Variants in USP34 observed in about 807,000 individuals in gnomAD.
The protein encoded by USP34 is ubiquitin specific peptidase 34.
USP34 carries 70 observed loss-of-function variants against 460.3 expected under a neutral mutation model. The ratio of observed to expected loss-of-function variants is 0.15; its 90% CI spans 0.13 to 0.19. USP34 has a LOEUF of 0.19. Among genes scored for constraint, USP34 ranks in the 10% least tolerant of loss-of-function variants. The probability of loss-of-function intolerance (pLI) is 1.00; values close to 1 mark genes in which losing one functional copy is unlikely to be tolerated. For synonymous variants in USP34, 1,647 were observed against 1,405.3 expected (o/e 1.17, Z -3.85); for missense variants, 3,985 against 4,236.2 (o/e 0.94, Z 1.65).
In USP34 at chr2:61,311,681, T is replaced by C; in HGVS notation, c.3676A>G (p.Ile1226Val). 3.1e-6 allele frequency: 5 copies of C among 1,611,042 alleles called. No individual in the cohort carries two copies. Among genetic ancestry groups the C allele is most frequent in the Non-Finnish European group, 4.2e-6 (5 of 1,179,008 alleles). The change falls in exon 27 of 80, where the codon ATT (isoleucine) becomes GTT (valine). Residue 1226 changes from isoleucine to valine, a missense_variant. Ile to Val is a conservative substitution (Grantham distance 29, BLOSUM62 3). Coordinates refer to ENST00000398571, the MANE Select transcript of USP34 (RefSeq NM_014709.4). Reference protein sequence around the residue: ...QPAGLPDKMTIEMYPSDQVAD... With the variant: ...QPAGLPDKMTVEMYPSDQVAD... Reference sequence around the variant, plus strand: ...ACCTGGTCACTAGGATACATTTCAATAGTCATCTGAAATATGAGATGCAAC... The same window carrying C: ...ACCTGGTCACTAGGATACATTTCAACAGTCATCTGAAATATGAGATGCAAC...
intron 10 of USP34, among the ~76,000 whole-genome samples, chr2:61,369,063 G>T (rs1692525980): frequency 6.6e-6 from 1 of 152,050 alleles, no homozygotes; most frequent in Non-Finnish European, 1.5e-5. Context: ...TTAAACACAA[G>T]ATTTGCAAAC....
intron 21 of USP34, among the ~76,000 whole-genome samples, chr2:61,320,054 C>A (rs1690868288): frequency 6.6e-6 from 1 of 152,158 alleles, no homozygotes; most frequent in South Asian, 2.1e-4. Context: ...AGGAGCACTT[C>A]CTACCACCAG....
intron 1 of USP34, among the ~76,000 whole-genome samples, chr2:61,443,846 A>G (rs1366811047): frequency 6.6e-6 from 1 of 152,222 alleles, no homozygotes; most frequent in Non-Finnish European, 1.5e-5. Context: ...CACCAAGTGT[A>G]ACAAATGTAC....
At chr2:61,252,865 A>G (rs994941356) in intron 48 of USP34, among the ~76,000 whole-genome samples, 1 of 152,210 alleles carries the variant, frequency 6.6e-6, no homozygotes, top group Non-Finnish European at 1.5e-5. Context: ...CAGGTGACAG[A>G]GCACAGCAAA....
chr2:61,237,988 C>T (rs889058759), intron 53 of USP34, among the ~76,000 whole-genome samples: 1 of 151,948 alleles, frequency 6.6e-6, no homozygotes, highest in Admixed American at 6.6e-5. Flanking sequence ...TCTCCACCTC[C>T]AGGTTCAAGC....
At position 61,236,368 on chromosome 2, in the gene USP34, G is replaced by C. The variant is rs1688068661; in HGVS notation, c.6799C>G (p.Gln2267Glu). ...LLEWIWHDNMQFLQDKNIFEH... is the reference protein window; with the variant it reads ...LLEWIWHDNMEFLQDKNIFEH... Reference sequence around the variant, plus strand: ...AAAATGTTTTTGTCTTGAAGAAACTGCATGTTATCATGCCAAATCCACTGA... The same window carrying C: ...AAAATGTTTTTGTCTTGAAGAAACTCCATGTTATCATGCCAAATCCACTGA... The change falls in exon 54 of 80, where the codon CAG becomes GAG. Residue 2267 changes from glutamine to glutamate, a missense_variant. Transcript: ENST00000398571. 4 of 1,602,030 alleles carry C rather than the reference G, an allele frequency of 2.5e-6. No homozygotes were observed. Among genetic ancestry groups the C allele is most frequent in the Non-Finnish European group, 3.4e-6 (4 of 1,175,148 alleles).
At position 61,395,232 on chromosome 2, in the gene USP34, T is replaced by G; in HGVS notation, c.554A>C (p.Asp185Ala). The G allele has an allele frequency of 1.4e-6, 2 of 1,459,730 alleles. No individual in the cohort carries two copies. Among genetic ancestry groups the G allele is most frequent in the East Asian group, 4.6e-5 (2 of 43,772 alleles). The allele number at this position is 1,459,730 out of a possible 1,614,324, so 90.4% of individuals were successfully genotyped here. Residue 185 changes from aspartate to alanine, a missense_variant and splice_region_variant, in exon 4 of 80, where the codon GAT becomes GCT. This residue lies in a region of USP34 where 331 missense variants were observed against 293.7 expected (regional missense o/e 1.13). Coordinates refer to ENST00000398571, the MANE Select transcript of USP34 (RefSeq NM_014709.4). ...YKHNTHPTIE[D>A]ISTQESNILG... ...TATGTTACTTTCTTGAGTTGATATA[T>G]CCTAATTAAAAAAAAAAAAGCAAGT...
intron 41 of USP34, among the ~76,000 whole-genome samples, chr2:61,268,629 G>A (rs982145660): frequency 4.0e-5 from 6 of 151,796 alleles, no homozygotes; most frequent in East Asian, 3.9e-4. Flanking sequence ...AACTAATACA[G>A]CAATAGATAA....
At chr2:61,421,350 C>A (rs755950290) in intron 1 of USP34, among the ~76,000 whole-genome samples, 2 of 152,210 alleles carry the variant, frequency 1.3e-5, no homozygotes, top group Non-Finnish European at 2.9e-5. Context: ...CTTGAAGTCA[C>A]AGCTTCCTTC....
chr2:61,418,873 C>T (rs570511769), intron 2 of USP34, among the ~76,000 whole-genome samples: 59 of 152,268 alleles, frequency 3.9e-4, no homozygotes, highest in African/African-American at 1.4e-3. Context: ...GACAGGTGAA[C>T]AAAATTACAA....
chr2:61,369,103 A>G (rs1302265705), intron 10 of USP34, among the ~76,000 whole-genome samples: 1 of 152,234 alleles, frequency 6.6e-6, no homozygotes, highest in Admixed American at 6.5e-5. Context: ...CGCAAATTTA[A>G]AATACCAATG....
chr2:61,302,657 A>G (rs1056003145), intron 27 of USP34, among the ~76,000 whole-genome samples: 10 of 152,372 alleles, frequency 6.6e-5, no homozygotes, highest in Admixed American at 2.0e-4. Context: ...TGAACAAGTC[A>G]TATATGACTA....
intron 8 of USP34, among the ~76,000 whole-genome samples, chr2:61,374,120 C>T (rs1234623172): frequency 6.8e-6 from 1 of 146,010 alleles, no homozygotes; most frequent in Non-Finnish European, 1.5e-5. Context: ...CGTGCCATTG[C>T]ACTTCAGCCT....
At chr2:61,451,883 A>T (rs977625418) in intron 1 of USP34, among the ~76,000 whole-genome samples, 1 of 151,996 alleles carries the variant, frequency 6.6e-6, no homozygotes, top group African/African-American at 2.4e-5. Context: ...CTAGAAAAAG[A>T]CTTAATTGAA....
chr2:61,268,247 G>A (rs575614810), intron 41 of USP34, among the ~76,000 whole-genome samples: 1 of 151,816 alleles, frequency 6.6e-6, no homozygotes, highest in African/African-American at 2.4e-5. Flanking sequence ...ATTGTAAACT[G>A]GGCCGGGTAC....
chr2:61,300,837 G>T (rs533164064), intron 29 of USP34, 114 bp downstream of exon 29: 1 of 657,652 alleles, frequency 1.5e-6, no homozygotes, highest in Non-Finnish European at 2.3e-6. Context: ...AAAAAAAAAG[G>T]AGAGAAAATT....
At chr2:61,267,074 T>A (rs2103921441) in intron 41 of USP34, among the ~76,000 whole-genome samples, 1 of 152,330 alleles carries the variant, frequency 6.6e-6, no homozygotes, top group East Asian at 1.9e-4. Flanking sequence ...ATACATCACA[T>A]GCGTTGTCAT....
intron 41 of USP34, among the ~76,000 whole-genome samples, chr2:61,267,583 C>T (rs1366960246): frequency 6.6e-6 from 1 of 151,862 alleles, no homozygotes; most frequent in Non-Finnish European, 1.5e-5. Context: ...GCTGGGATTA[C>T]AGGCACCTGC....
intron 43 of USP34, among the ~76,000 whole-genome samples, chr2:61,263,473 G>A (rs370244094): frequency 2.2e-4 from 32 of 145,598 alleles, no homozygotes; most frequent in Non-Finnish European, 3.3e-4. Flanking sequence ...GAGCTACTGC[G>A]CCTGGCCAAA....
Sources: allele counts gnomAD v4.1 joint callset (sites outside exome capture counted in the v4.1 genomes callset), GRCh38; gene constraint gnomAD v4.1.1; regional missense constraint gnomAD v4.1.1; transcripts MANE v1.5; gene names NCBI Gene and HGNC (gene_info 2026-07-23, HGNC 2026-07-21).